Variants in LRRC37A observed in about 807,000 individuals in gnomAD.
LRRC37A encodes leucine rich repeat containing 37A.
A neutral mutation model predicts 35.4 loss-of-function variants in LRRC37A; 3 were observed. The ratio of observed to expected loss-of-function variants is 0.08; its 90% CI spans 0.04 to 0.22. The LOEUF (loss-of-function observed/expected upper bound fraction) is 0.22. Among genes scored for constraint, LRRC37A ranks in the 10% least tolerant of loss-of-function variants. LRRC37A has a pLI of 1.00. For missense variants in LRRC37A, 67 were observed against 565.3 expected (o/e 0.12, Z 8.94); for synonymous variants, 23 against 215.0 (o/e 0.11, Z 7.81).
At chr17:46,284,486 G>C in the LRRC37A span, among the ~76,000 whole-genome samples, 1 of 152,268 alleles carries the variant, frequency 6.6e-6, no homozygotes, top group Non-Finnish European at 1.5e-5. Context: ...CAAGGCAGAA[G>C]AACTTTTCTT....
the LRRC37A span, among the ~76,000 whole-genome samples, chr17:46,273,746 A>G: frequency 1.3e-5 from 2 of 152,260 alleles, no homozygotes; most frequent in South Asian, 4.1e-4. Context: ...TGCAAAATAC[A>G]TCTTCCTCAT....
chr17:46,256,687 G>T, the LRRC37A span, among the ~76,000 whole-genome samples: 1 of 152,190 alleles, frequency 6.6e-6, no homozygotes, highest in African/African-American at 2.4e-5. Context: ...TTACTTAATG[G>T]AGGAAGGAGG....
the LRRC37A span, among the ~76,000 whole-genome samples, chr17:46,257,139 T>TA: frequency 6.6e-6 from 1 of 152,018 alleles, no homozygotes; most frequent in African/African-American, 2.4e-5. Context: ...ACCTCGTACT[T>TA]ATGTTGTTAT....
chr17:46,270,234 C>T, the LRRC37A span, among the ~76,000 whole-genome samples: 1 of 152,196 alleles, frequency 6.6e-6, no homozygotes, highest in Admixed American at 6.5e-5. Context: ...GTCCATGGCA[C>T]CCAGTAGTAG....
the LRRC37A span, among the ~76,000 whole-genome samples, chr17:46,273,092 G>A: frequency 6.6e-6 from 1 of 152,180 alleles, no homozygotes; most frequent in South Asian, 2.1e-4. Context: ...CTACAGGTAG[G>A]AAAGTTCTTG....
the LRRC37A span, among the ~76,000 whole-genome samples, chr17:46,284,984 C>T: frequency 6.6e-6 from 1 of 152,206 alleles, no homozygotes; most frequent in Admixed American, 6.5e-5. Flanking sequence ...TCACCTCAGC[C>T]TCCCAAGTAG....
At chr17:46,267,214 G>C in the LRRC37A span, 2 of 665,922 alleles carry the variant, frequency 3.0e-6, no homozygotes, top group Non-Finnish European at 4.9e-6. Flanking sequence ...AATCCTGCAC[G>C]CGAGATCCCA....
chr17:46,257,820 C>A, the LRRC37A span, among the ~76,000 whole-genome samples: 12 of 145,886 alleles, frequency 8.2e-5, no homozygotes, highest in African/African-American at 2.3e-4. Context: ...AGGCCCATGT[C>A]AAAAAAAAAA....
At chr17:46,330,911 A>T in exon 9 of LRRC37A, 1 of 725,426 alleles carries the variant, frequency 1.4e-6, no homozygotes, top group Non-Finnish European at 2.1e-6. Flanking sequence ...TCCAGCCCCA[A>T]GGGAGGTGGA....
intron 1 of LRRC37A, among the ~76,000 whole-genome samples, chr17:46,298,709 G>T (rs1333808742): frequency 2.0e-5 from 2 of 102,370 alleles, no homozygotes; most frequent in African/African-American, 6.2e-5. Context: ...GGGCGACAGA[G>T]CAAGACTCCA....
the LRRC37A span, among the ~76,000 whole-genome samples, chr17:46,283,894 T>C: frequency 6.6e-6 from 1 of 152,214 alleles, no homozygotes; most frequent in Non-Finnish European, 1.5e-5. Context: ...CTCTGCATCA[T>C]AGACAAGGTA....
chr17:46,283,180 C>T, the LRRC37A span, among the ~76,000 whole-genome samples: 2 of 152,188 alleles, frequency 1.3e-5, no homozygotes, highest in Non-Finnish European at 2.9e-5. Flanking sequence ...TATCAATTTA[C>T]CCTCCAAAGT....
chr17:46,266,923 C>G, the LRRC37A span: 1 of 198,456 alleles, frequency 5.0e-6, no homozygotes, highest in Non-Finnish European at 9.6e-6. Flanking sequence ...GCTTCCCCGC[C>G]GCCCGGCCGC....
chr17:46,259,533 GGA>G, the LRRC37A span: 1 of 1,608,298 alleles, frequency 6.2e-7, no homozygotes, highest in South Asian at 1.1e-5. Flanking sequence ...GGCTGCCTGT[GGA>G]GAGAGAATGG....
the LRRC37A span, among the ~76,000 whole-genome samples, chr17:46,282,738 G>C: frequency 6.6e-6 from 1 of 152,086 alleles, no homozygotes; most frequent in Non-Finnish European, 1.5e-5. Flanking sequence ...TTTTATTTTA[G>C]GTAAACTGCT....
At chr17:46,283,189 G>A in the LRRC37A span, among the ~76,000 whole-genome samples, 1 of 152,148 alleles carries the variant, frequency 6.6e-6, no homozygotes, top group Non-Finnish European at 1.5e-5. Context: ...ACCCTCCAAA[G>A]TGACCATACC....
chr17:46,284,805 T>C, the LRRC37A span, among the ~76,000 whole-genome samples: 30 of 152,360 alleles, frequency 2.0e-4, no homozygotes, highest in Admixed American at 2.6e-4. Context: ...CTTTTTAGTT[T>C]CTTCAATTCT....
At chr17:46,272,395 A>AT in the LRRC37A span, among the ~76,000 whole-genome samples, 18,438 of 152,106 alleles carry the variant, frequency 0.12, no homozygotes, top group Non-Finnish European at 0.18. Context: ...ATTATGTTCT[A>AT]AAAAATGTAT....
At chr17:46,268,924 A>G in the LRRC37A span, among the ~76,000 whole-genome samples, 2 of 152,260 alleles carry the variant, frequency 1.3e-5, no homozygotes, top group East Asian at 3.8e-4. Context: ...TGTGCCAGAC[A>G]GTGATTTACA....
Sources: allele counts gnomAD v4.1 joint callset (sites outside exome capture counted in the v4.1 genomes callset), GRCh38; gene constraint gnomAD v4.1.1; transcripts MANE v1.5; gene names NCBI Gene and HGNC (gene_info 2026-07-23, HGNC 2026-07-21).